Variants in DNAH14 observed in about 807,000 individuals in gnomAD.
The protein encoded by DNAH14 is dynein axonemal heavy chain 14.
Under a neutral mutation model 520.9 loss-of-function variants are expected in DNAH14, and 478 were observed. The observed-to-expected ratio is 0.92, with a 90% CI of 0.85 to 0.99. DNAH14 has a LOEUF of 0.99. Ranked by LOEUF, DNAH14 falls within the 50% of genes least tolerant of loss-of-function variation. The pLI is 0.00. For synonymous variants in DNAH14, 1,581 were observed against 1,757.2 expected, an observed-to-expected ratio of 0.90 and a Z score of 2.51; for missense variants, 4,831 against 5,234.5, an observed-to-expected ratio of 0.92 and a Z score of 2.38.
intron 27 of DNAH14, among the ~76,000 whole-genome samples, chr1:225,129,511 C>T (rs902465365): frequency 1.6e-4 from 25 of 152,080 alleles, no homozygotes; most frequent in Admixed American, 2.0e-4. Context: ...AGAAATAATG[C>T]CGCATATCTA....
At chr1:225,014,635 C>G (rs1267625005) in intron 10 of DNAH14, among the ~76,000 whole-genome samples, 1 of 152,090 alleles carries the variant, frequency 6.6e-6, no homozygotes, top group Non-Finnish European at 1.5e-5. Context: ...TTATTGATGT[C>G]TAGCTCTATT....
chr1:225,061,746 ATAGC>A (rs2070154102), intron 17 of DNAH14, among the ~76,000 whole-genome samples: 1 of 152,158 alleles, frequency 6.6e-6, no homozygotes, highest in Non-Finnish European at 1.5e-5. Context: ...AGCCTCCTGA[ATAGC>A]TAGGATTATA....
intron 10 of DNAH14, among the ~76,000 whole-genome samples, chr1:225,019,487 C>T (rs947389126): frequency 6.6e-6 from 1 of 152,042 alleles, no homozygotes; most frequent in African/African-American, 2.4e-5. Flanking sequence ...ACTTCAACAC[C>T]CCAATGACAG....
intron 17 of DNAH14, among the ~76,000 whole-genome samples, chr1:225,078,768 ATCTCTCTCTC>A (rs1170812870): frequency 7.7e-4 from 12 of 15,684 alleles, no homozygotes; most frequent in African/African-American, 3.1e-3. Context: ...CCCATTCTCA[ATCTCTCTCTC>A]TCTCTCTCTC....
chr1:225,272,650 C>CAACA (rs1201610989), intron 51 of DNAH14, among the ~76,000 whole-genome samples: 1 of 152,112 alleles, frequency 6.6e-6, no homozygotes, highest in Non-Finnish European at 1.5e-5. Flanking sequence ...GTATCACGTG[C>CAACA]AACACCCTGC....
At chr1:225,074,167 T>G (rs1006713448) in intron 17 of DNAH14, among the ~76,000 whole-genome samples, 10 of 151,056 alleles carry the variant, frequency 6.6e-5, no homozygotes, top group Non-Finnish European at 1.2e-4. Flanking sequence ...GCCCGGCTAA[T>G]TTTTTGTATT....
chr1:225,023,329 T>A (rs2456340), intron 10 of DNAH14, among the ~76,000 whole-genome samples: 128,532 of 151,368 alleles, frequency 0.85, 56,015 homozygotes, highest in Non-Finnish European at 0.96. Flanking sequence ...TAAATTTAGA[T>A]CTACTATTAT....
At position 225,324,733 on chromosome 1, in the gene DNAH14, T is replaced by G; in HGVS notation, c.9628-4T>G. ...CACTTAAATGTTCTGACATTCTCTT[T>G]AAGGTTGTGGGCCCTAAACAAATCC... is the stretch of plus-strand genomic sequence containing the variant. On this transcript the variant is annotated splice_polypyrimidine_tract_variant and splice_region_variant and intron_variant, in intron 63 of 85. Coordinates refer to ENST00000682510, the MANE Select transcript of DNAH14 (RefSeq NM_001367479.1). The G allele has an allele frequency of 1.3e-6, 2 of 1,550,726 alleles. No individual in the cohort carries two copies. Among genetic ancestry groups the G allele is most frequent in the Non-Finnish European group, 8.7e-7 (1 of 1,146,520 alleles).
chr1:225,324,719 T>C lies in DNAH14; in HGVS notation c.9628-18T>C. The C allele has an allele frequency of 6.5e-7, 1 of 1,544,928 alleles. No homozygotes were observed. Among genetic ancestry groups the C allele is most frequent in the Non-Finnish European group, 8.7e-7 (1 of 1,143,302 alleles). ...CCCGACGTTTTTGACACTTAAATGT[T>C]CTGACATTCTCTTTAAGGTTGTGGG... On this transcript the variant is annotated intron_variant, in intron 63 of 85. Transcript: ENST00000682510.
At chr1:225,282,320 C>G (rs1025262197) in intron 54 of DNAH14, among the ~76,000 whole-genome samples, 3 of 152,166 alleles carry the variant, frequency 2.0e-5, no homozygotes, top group African/African-American at 7.2e-5. Flanking sequence ...GCCATCAGGC[C>G]TGATTCAAAG....
intron 1 of DNAH14, among the ~76,000 whole-genome samples, chr1:224,939,915 A>G (rs1349676320): frequency 6.6e-6 from 1 of 152,192 alleles, no homozygotes; most frequent in East Asian, 1.9e-4. Context: ...CATTTGTCAC[A>G]TATATGTTAA....
Position 225,100,837 on chromosome 1 carries a change from C to A in DNAH14, c.3820C>A (p.Leu1274Met). 1.3e-6 allele frequency: 2 copies of A among 1,530,462 alleles called. No homozygotes were observed. Among genetic ancestry groups the A allele is most frequent in the Non-Finnish European group, 1.8e-6 (2 of 1,141,578 alleles). 94.8% of individuals were successfully genotyped at this position (1,530,462 alleles called of 1,614,324 possible). Residue 1274 changes from leucine (L) to methionine (M), a missense_variant, in exon 23 of 86, where the codon CTG becomes ATG. Leu to Met is a conservative substitution (Grantham distance 15, BLOSUM62 2). Coordinates refer to ENST00000682510, the MANE Select transcript of DNAH14 (RefSeq NM_001367479.1). ...ITTSAGVLEI[L>M]QNCNIHLEHI... Reference sequence around the variant, plus strand: ...CACTTCTGCAGGAGTCCTTGAAATTCTGCAAAATTGTAATATACATCTTGA... The same window carrying A: ...CACTTCTGCAGGAGTCCTTGAAATTATGCAAAATTGTAATATACATCTTGA...
chr1:225,389,771 C>T lies in DNAH14; in HGVS notation c.13228C>T (p.Pro4410Ser). The change falls in exon 83 of 86, where the codon CCA becomes TCA. Residue 4410 changes from proline (P) to serine (S), a missense_variant. Coordinates refer to ENST00000682510, the MANE Select transcript of DNAH14 (RefSeq NM_001367479.1). ...RFVTVWKQSI[P>S]STSQKCKHPE... is the part of the protein sequence containing the mutation. ...TGTCACAGTTTGGAAGCAGTCTATTCCATCAACTAGCCAAAAATGCAAACA... is the reference window on the plus strand; with the variant it reads ...TGTCACAGTTTGGAAGCAGTCTATTTCATCAACTAGCCAAAAATGCAAACA... 6.4e-7 allele frequency: 1 copy of T among 1,552,226 alleles called. No individual in the cohort carries two copies. Among genetic ancestry groups the T allele is most frequent in the Non-Finnish European group, 8.7e-7 (1 of 1,147,100 alleles).
chr1:225,342,035 T>C (rs2095193746), intron 69 of DNAH14, among the ~76,000 whole-genome samples: 2 of 152,192 alleles, frequency 1.3e-5, no homozygotes, highest in South Asian at 2.1e-4. Context: ...CATCGGGCCC[T>C]GGCTTATATT....
chr1:225,290,496 G>A (rs2093843027), intron 55 of DNAH14, among the ~76,000 whole-genome samples: 2 of 151,136 alleles, frequency 1.3e-5, no homozygotes, highest in South Asian at 4.2e-4. Context: ...TGCTCTTACA[G>A]CATCCAGGCT....
At chr1:225,006,553 A>AAATT (rs1267049956) in intron 9 of DNAH14, among the ~76,000 whole-genome samples, 4 of 151,204 alleles carry the variant, frequency 2.6e-5, no homozygotes, top group Admixed American at 6.6e-5. Context: ...GGTTGAAGAT[A>AAATT]AGGGATGAAA....
At chr1:225,206,651 T>C (rs1028864639) in intron 40 of DNAH14, among the ~76,000 whole-genome samples, 8 of 152,240 alleles carry the variant, frequency 5.3e-5, no homozygotes, top group African/African-American at 1.9e-4. Flanking sequence ...TCTACTTAAC[T>C]GAATGTTATG....
At chr1:225,229,862 C>G (rs1225372162) in intron 41 of DNAH14, among the ~76,000 whole-genome samples, 2 of 152,032 alleles carry the variant, frequency 1.3e-5, no homozygotes, top group African/African-American at 4.8e-5. Context: ...ACATGTATAC[C>G]TATGTAACAA....
chr1:225,128,487 G>A lies in DNAH14; in HGVS notation c.4254+4873G>A, dbSNP rs567896409. Among the ~76,000 whole-genome samples the A allele has an allele frequency of 3.9e-5, 6 of 152,156 alleles. No homozygotes were observed. In the East Asian group the frequency reaches 5.8e-4, roughly 15 times the overall value. On this transcript the variant is annotated intron_variant, in intron 27 of 85. Transcript: ENST00000682510. ...TCCACCATGATCAAGTGGGCTTCAT[G>A]CCTGGGATGCAAGGCTGGTTCAATA...
Sources: gnomAD v4.1 joint callset for allele counts (sites outside exome capture counted in the v4.1 genomes callset) on GRCh38, gnomAD v4.1.1 for gene constraint, MANE v1.5 for transcripts, NCBI Gene and HGNC (gene_info 2026-07-23, HGNC 2026-07-21) for gene names.